The following STARD9 variants were observed in gnomAD, a reference collection of about 807,000 sequenced individuals.
STARD9 encodes StAR related lipid transfer domain containing 9.
In STARD9, 346 loss-of-function variants were observed where a neutral mutation model predicts 399.8. The ratio of observed to expected loss-of-function variants is 0.87; its 90% CI spans 0.79 to 0.95. STARD9 has a LOEUF of 0.95. Ranked by LOEUF, STARD9 falls within the 40% of genes least tolerant of loss-of-function variation. The pLI is 0.00. For missense variants in STARD9, 5,832 were observed against 5,667.5 expected (o/e 1.03, Z -0.93); for synonymous variants, 2,203 against 2,143.5 (o/e 1.03, Z -0.77).
intron 9 of STARD9, among the ~76,000 whole-genome samples, chr15:42,656,964 T>C (rs939228495): frequency 2.0e-5 from 3 of 152,128 alleles, no homozygotes; most frequent in Non-Finnish European, 4.4e-5. Flanking sequence ...AAAGAACTTA[T>C]TCATGTAACC....
intron 7 of STARD9, among the ~76,000 whole-genome samples, chr15:42,641,974 A>G (rs1229058813): frequency 6.6e-6 from 1 of 152,186 alleles, no homozygotes; most frequent in Non-Finnish European, 1.5e-5. Context: ...GACCCTGAGT[A>G]GTCACACTGA....
rs180854628 is a variant in STARD9 at position 42,696,327 on chromosome 15, C to A, written c.13284+447C>A. ...CTAAAAGGATAAGAGGTAGTTAATG[C>A]AGTAAAAGCTTATTGGTGCTGTTAT... On this transcript the variant is annotated intron_variant, in intron 26 of 32. Coordinates refer to ENST00000290607, the MANE Select transcript of STARD9 (RefSeq NM_020759.3). Among the ~76,000 whole-genome samples the A allele has an allele frequency of 8.5e-5, 13 of 152,266 alleles. No homozygotes were observed. The East Asian group carries it at 9.6e-4, about 11-fold the overall frequency.
chr15:42,581,384 G>C, intron 1 of STARD9: 3 of 1,488,206 alleles, frequency 2.0e-6, no homozygotes, highest in Non-Finnish European at 2.8e-6. Context: ...CGGGCGTGGT[G>C]CAATAGTCAA....
intron 3 of STARD9, among the ~76,000 whole-genome samples, chr15:42,626,719 T>C (rs1478494301): frequency 6.6e-6 from 1 of 150,728 alleles, no homozygotes; most frequent in Non-Finnish European, 1.5e-5. Context: ...ACCGTGTTGG[T>C]CAGGCTGGTC....
chr15:42,576,544 G>A, intron 1 of STARD9, among the ~76,000 whole-genome samples: 1 of 152,300 alleles, frequency 6.6e-6, no homozygotes, highest in East Asian at 1.9e-4. Context: ...TAGACTGTAA[G>A]GGACTAACTA....
At chr15:42,581,573 A>T in intron 1 of STARD9, 1 of 926,926 alleles carries the variant, frequency 1.1e-6, no homozygotes, top group East Asian at 2.6e-5. Flanking sequence ...GGCGGGTGGA[A>T]AAGCGAGCTC....
Position 42,682,370 on chromosome 15 carries a change from A to G in STARD9, c.2332A>G (p.Lys778Glu). ...ATTCCAGCTAGAGAGAATCATCAAAAAGCAGAGGCTGCTGGAGGCCCAGAA... is the reference window on the plus strand; with the variant it reads ...ATTCCAGCTAGAGAGAATCATCAAAGAGCAGAGGCTGCTGGAGGCCCAGAA... ...VSFQLERIIK[K>E]QRLLEAQKRL... Residue 778 changes from lysine to glutamate, a missense_variant, in exon 22 of 33, where the codon AAG becomes GAG. Coordinates refer to ENST00000290607, the MANE Select transcript of STARD9 (RefSeq NM_020759.3). The G allele has an allele frequency of 6.5e-7, 1 of 1,537,262 alleles. No homozygotes were observed.
At chr15:42,608,710 G>A (rs1328959451) in intron 3 of STARD9, among the ~76,000 whole-genome samples, 1 of 152,180 alleles carries the variant, frequency 6.6e-6, no homozygotes, top group Non-Finnish European at 1.5e-5. Flanking sequence ...ACCAAAAGGT[G>A]ATAAAGAGCT....
At chr15:42,583,940 T>G (rs1450135129) in intron 2 of STARD9, among the ~76,000 whole-genome samples, 8 of 152,140 alleles carry the variant, frequency 5.3e-5, no homozygotes, top group Admixed American at 5.2e-4. Context: ...AGATTCTCTT[T>G]CACAGATCTT....
At chr15:42,668,577 C>T (rs1442622161) in intron 15 of STARD9, among the ~76,000 whole-genome samples, 2 of 152,234 alleles carry the variant, frequency 1.3e-5, no homozygotes, top group South Asian at 2.1e-4. Flanking sequence ...AGTAAGAACT[C>T]AGTATTCTAC....
chr15:42,619,365 T>A (rs1224909439), intron 3 of STARD9, among the ~76,000 whole-genome samples: 1 of 151,926 alleles, frequency 6.6e-6, no homozygotes, highest in East Asian at 1.9e-4. Context: ...AAGACGGGAT[T>A]TTCAGCCTGG....
intron 26 of STARD9, among the ~76,000 whole-genome samples, chr15:42,698,771 A>G (rs746925667): frequency 6.6e-6 from 1 of 152,002 alleles, no homozygotes; most frequent in African/African-American, 2.4e-5. Context: ...TTTATTTTTC[A>G]TATTTAAATC....
rs551824479 is a variant in STARD9, at chr15:42,692,017, G to T, written c.10439G>T (p.Arg3480Leu). 3.3e-6 allele frequency: 5 copies of T among 1,537,244 alleles called. No homozygotes were observed. The Admixed American group carries it at 5.9e-5, about 18-fold the overall frequency. Residue 3480 changes from arginine to leucine, a missense_variant, in exon 23 of 33, where the codon CGT (arginine) becomes CTT (leucine). Arg to Leu is a moderately radical substitution (Grantham distance 102). Transcript: ENST00000290607. ...ALPWRPEEPA[R>L]ISWKQYMSGS... ...CCGTGGCGTCCGGAGGAGCCTGCAC[G>T]TATCAGCTGGAAGCAGTATATGTCT...
Position 42,638,725 on chromosome 15 carries a change from G to C in STARD9, c.472G>C (p.Val158Leu). ...VSFLEIYNERVRDLLKQSGQK... is the reference protein window; with the variant it reads ...VSFLEIYNERLRDLLKQSGQK... Reference sequence around the variant, plus strand: ...TTTTCTAGAAATCTATAATGAACGGGTGCGGGATCTGTTGAAGCAATCTGG... The same window carrying C: ...TTTTCTAGAAATCTATAATGAACGGCTGCGGGATCTGTTGAAGCAATCTGG... Residue 158 changes from valine to leucine, a missense_variant, in exon 7 of 33, where the codon GTG (valine) becomes CTG (leucine). Physicochemically the swap from Val to Leu is conservative, Grantham distance 32. Coordinates refer to ENST00000290607, the MANE Select transcript of STARD9 (RefSeq NM_020759.3). The C allele has an allele frequency of 6.5e-7, 1 of 1,536,152 alleles. No homozygotes were observed. The highest frequency in any genetic ancestry group is 8.7e-7 in the Non-Finnish European group (1 of 1,146,228).
chr15:42,698,691 C>T (rs2060897224), intron 26 of STARD9, among the ~76,000 whole-genome samples: 1 of 152,162 alleles, frequency 6.6e-6, no homozygotes, highest in Non-Finnish European at 1.5e-5. Context: ...TAAATAATAA[C>T]TAGAAACACA....
intron 26 of STARD9, among the ~76,000 whole-genome samples, chr15:42,708,679 CT>C (rs879800813): frequency 8.2e-5 from 12 of 145,970 alleles, no homozygotes; most frequent in East Asian, 2.0e-4. Flanking sequence ...TGCTTTTTTT[CT>C]TTTTTTTTTC....
intron 7 of STARD9, among the ~76,000 whole-genome samples, chr15:42,639,884 G>A (rs984432121): frequency 2.6e-5 from 4 of 151,478 alleles, no homozygotes; most frequent in Non-Finnish European, 5.9e-5. Context: ...AAAAAGTAAT[G>A]TATATTTTAT....
rs1375991218 is a variant in STARD9, at chr15:42,692,440, T to C, written c.10862T>C (p.Leu3621Pro). Residue 3621 changes from leucine to proline, a missense_variant, in exon 23 of 33, where the codon CTG becomes CCG. By Grantham distance (98) the Leu-to-Pro change is moderately conservative. Transcript: ENST00000290607. ...AAGPVDEIMLLYPSEAGCPVG... is the reference protein window; with the variant it reads ...AAGPVDEIMLPYPSEAGCPVG... ...GGTCCAGTGGATGAGATTATGCTGC[T>C]GTATCCATCAGAGGCAGGCTGCCCT... 4.6e-6 allele frequency: 7 copies of C among 1,536,988 alleles called. No homozygotes were observed. The highest frequency in any genetic ancestry group is 1.7e-4 in the Middle Eastern group (1 of 6,012).
chr15:42,581,481 G>A, intron 1 of STARD9: 1 of 1,510,608 alleles, frequency 6.6e-7, no homozygotes, highest in Admixed American at 1.8e-5. Flanking sequence ...GCCAGCGGAG[G>A]AGGACATGGC....
Sources: gnomAD v4.1 joint callset for allele counts (sites outside exome capture counted in the v4.1 genomes callset) on GRCh38, gnomAD v4.1.1 for gene constraint, MANE v1.5 for transcripts, NCBI Gene and HGNC (gene_info 2026-07-23, HGNC 2026-07-21) for gene names.